Variants in DIAPH2 observed in about 807,000 individuals in gnomAD.
The protein encoded by DIAPH2 is diaphanous related formin 2.
DIAPH2 carries 35 observed loss-of-function variants against 92.7 expected under a neutral mutation model. The observed-to-expected ratio is 0.38, with a 90% CI of 0.29 to 0.50. The LOEUF is 0.50. Ranked by LOEUF, DIAPH2 falls within the 20% of genes least tolerant of loss-of-function variation. DIAPH2 has a pLI of 0.94. For missense variants in DIAPH2, 701 were observed against 819.5 expected (o/e 0.86, Z 1.77); for synonymous variants, 301 against 280.4 (o/e 1.07, Z -0.73).
At chrX:97,006,192 C>A (rs150876268) in intron 17 of DIAPH2, among the ~76,000 whole-genome samples, 1 of 111,128 alleles carries the variant, frequency 9.0e-6, no homozygotes, top group Non-Finnish European at 1.9e-5. Flanking sequence ...CGTTTTAAGA[C>A]GTGTTTTGTG....
chrX:97,028,272 GTACCCAT>G (rs2066348542), intron 17 of DIAPH2, among the ~76,000 whole-genome samples: 1 of 110,870 alleles, frequency 9.0e-6, no homozygotes, highest in African/African-American at 3.3e-5. Flanking sequence ...TGGCAGTGTG[GTACCCAT>G]GTTTGTTACT....
chrX:97,298,234 G>GTTTTTTT (rs753905645), intron 23 of DIAPH2, among the ~76,000 whole-genome samples: 2 of 88,574 alleles, frequency 2.3e-5, no homozygotes, highest in Non-Finnish European at 4.4e-5. Context: ...AGTTTTTCAG[G>GTTTTTTT]TTTTTTTTTT....
chrX:97,215,978 G>A (rs190291397), intron 22 of DIAPH2, among the ~76,000 whole-genome samples: 4 of 111,853 alleles, frequency 3.6e-5, no homozygotes, highest in South Asian at 7.5e-4. Flanking sequence ...TCGTGTGTCC[G>A]TTAACAACCC....
chrX:96,906,133 C>G (rs986310104), intron 5 of DIAPH2, among the ~76,000 whole-genome samples: 1 of 110,988 alleles, frequency 9.0e-6, no homozygotes, highest in African/African-American at 3.3e-5. Flanking sequence ...TCTCAAAAAA[C>G]AAAAAAAAGA....
At chrX:96,807,799 G>A (rs1191334030) in intron 4 of DIAPH2, among the ~76,000 whole-genome samples, 27 of 107,690 alleles carry the variant, frequency 2.5e-4, no homozygotes, top group Non-Finnish European at 5.8e-5. Context: ...TTGGTGTGGA[G>A]CTAAAGCCTT....
chrX:97,298,424 T>TG (rs1165706624), intron 23 of DIAPH2, among the ~76,000 whole-genome samples: 1 of 107,622 alleles, frequency 9.3e-6, no homozygotes, highest in Admixed American at 1.0e-4. Context: ...CTACTTAAAT[T>TG]GAAAAAAAAA....
chrX:97,574,755 C>T (rs1052480302), intron 26 of DIAPH2, among the ~76,000 whole-genome samples: 2 of 111,851 alleles, frequency 1.8e-5, no homozygotes, highest in Admixed American at 9.5e-5. Flanking sequence ...ATAATTAGTT[C>T]GATTATTTTA....
At chrX:96,873,111 A>T (rs763104484) in intron 4 of DIAPH2, among the ~76,000 whole-genome samples, 2 of 111,577 alleles carry the variant, frequency 1.8e-5, no homozygotes, top group South Asian at 7.6e-4. Flanking sequence ...TTGGATGGAT[A>T]CAAGCCATTT....
At chrX:96,705,746 A>G (rs907472029) in intron 1 of DIAPH2, among the ~76,000 whole-genome samples, 1 of 112,077 alleles carries the variant, frequency 8.9e-6, no homozygotes, top group Non-Finnish European at 1.9e-5. Context: ...AATCCTGTAG[A>G]TTCCCTTTCT....
At chrX:97,316,437 CGAGACTAGCCT>C (rs1304486235) in intron 23 of DIAPH2, among the ~76,000 whole-genome samples, 1 of 101,824 alleles carries the variant, frequency 9.8e-6, no homozygotes, top group African/African-American at 3.6e-5. Context: ...GTCAGGAGTC[CGAGACTAGCCT>C]GACCAATATG....
chrX:97,084,965 A>G (rs1243675223), intron 19 of DIAPH2, among the ~76,000 whole-genome samples: 1 of 112,059 alleles, frequency 8.9e-6, no homozygotes, highest in African/African-American at 3.2e-5. Context: ...ACTGTAAATT[A>G]TTCATGTCTT....
intron 5 of DIAPH2, among the ~76,000 whole-genome samples, chrX:96,911,861 T>C (rs923951192): frequency 3.6e-5 from 4 of 111,742 alleles, no homozygotes; most frequent in Non-Finnish European, 5.6e-5. Flanking sequence ...TGGAACTTTG[T>C]AGACACTCGA....
intron 23 of DIAPH2, among the ~76,000 whole-genome samples, chrX:97,320,044 G>T (rs1034402138): frequency 9.4e-6 from 1 of 105,912 alleles, no homozygotes; most frequent in African/African-American, 3.4e-5. Flanking sequence ...AGGTTCCAGC[G>T]AGCCAAGATT....
chrX:97,158,240 T>C (rs2067339217), intron 22 of DIAPH2, among the ~76,000 whole-genome samples: 1 of 112,471 alleles, frequency 8.9e-6, no homozygotes, highest in African/African-American at 3.2e-5. Context: ...GTTTAAATTA[T>C]ATGCAAATAT....
rs1569290101 is a variant in DIAPH2, at chrX:97,054,943, T to C, written c.2051-17998T>C. Among the ~76,000 whole-genome samples, 4 of 111,455 alleles carry C rather than the reference T, an allele frequency of 3.6e-5. 1 individual carries two copies. Among genetic ancestry groups the C allele is most frequent in the Admixed American group, 2.9e-4 (3 of 10,508 alleles). The stretch of plus-strand genomic sequence containing the variant: ...AGCTCTTCTATACACCCTAATACAT[T>C]GTTATAGCTGTTCATTTGTCCATCT... On this transcript the variant is annotated intron_variant, in intron 17 of 26. Transcript: ENST00000324765.
intron 22 of DIAPH2, among the ~76,000 whole-genome samples, chrX:97,212,727 T>C (rs2067851650): frequency 9.1e-6 from 1 of 110,015 alleles, no homozygotes; most frequent in Non-Finnish European, 1.9e-5. Flanking sequence ...TTATGTGATA[T>C]TAGACATGTT....
rs146506182 is a variant in DIAPH2, at chrX:97,060,251, G to A, written c.2051-12690G>A. Among the ~76,000 whole-genome samples, 51 of 112,292 alleles carry A rather than the reference G, an allele frequency of 4.5e-4. 1 individual carries two copies. In the East Asian group the frequency reaches 0.014, roughly 30 times the overall value. ...GTGAAGTAAAGGCCAGCCTAATGGC[G>A]AGCACAGCAGGTTTGAAATAGTTTG... is the stretch of plus-strand genomic sequence containing the variant. On this transcript the variant is annotated intron_variant, in intron 17 of 26. Transcript: ENST00000324765.
At chrX:97,403,854 CTT>C (rs775278102) in intron 25 of DIAPH2, among the ~76,000 whole-genome samples, 12 of 98,202 alleles carry the variant, frequency 1.2e-4, no homozygotes, top group Admixed American at 1.1e-4. Context: ...ACAGATAATC[CTT>C]TTTTTTTTTT....
At chrX:97,132,746 A>G (rs950692999) in intron 21 of DIAPH2, among the ~76,000 whole-genome samples, 2 of 112,172 alleles carry the variant, frequency 1.8e-5, no homozygotes, top group Non-Finnish European at 3.8e-5. Flanking sequence ...TAAAAGAAAT[A>G]AAGTTGAATT....
Sources: gnomAD v4.1 joint callset for allele counts (sites outside exome capture counted in the v4.1 genomes callset) on GRCh38, gnomAD v4.1.1 for gene constraint, MANE v1.5 for transcripts, NCBI Gene and HGNC (gene_info 2026-07-23, HGNC 2026-07-21) for gene names.